Variants in PHACTR1 observed in about 807,000 individuals in gnomAD.
PHACTR1 encodes the protein phosphatase and actin regulator 1.
Under a neutral mutation model 69.2 loss-of-function variants are expected in PHACTR1, and 16 were observed. That is an observed-to-expected ratio of 0.23 (90% CI 0.16 to 0.35). The LOEUF is 0.35. Among genes scored for constraint, PHACTR1 ranks in the 10% least tolerant of loss-of-function variants. The probability of loss-of-function intolerance (pLI) is 1.00; values close to 1 mark genes in which losing one functional copy is unlikely to be tolerated. For missense variants in PHACTR1, 510 were observed against 734.7 expected, an observed-to-expected ratio of 0.69 and a Z score of 3.54; for synonymous variants, 312 against 284.5, an observed-to-expected ratio of 1.10 and a Z score of -0.97.
intron 5 of PHACTR1, among the ~76,000 whole-genome samples, chr6:13,114,600 A>C (rs557084947): frequency 2.0e-5 from 3 of 152,238 alleles, no homozygotes; most frequent in Non-Finnish European, 2.9e-5. Context: ...CTAGCTCAGC[A>C]GTTCTCAATC....
chr6:13,278,357 G>A lies in PHACTR1; in HGVS notation c.1509+28G>A, dbSNP rs763828516. ...AGGTGGTTCTCCATGCCAAGAGCTG[G>A]GACAGGAGAGGGTGGGCTGCCTGCC... is the stretch of plus-strand genomic sequence containing the variant. On this transcript the variant is annotated intron_variant, in intron 12 of 14. Transcript: ENST00000332995. 6 of 1,571,026 alleles carry A rather than the reference G, an allele frequency of 3.8e-6. No homozygotes were observed. The Admixed American group carries it at 7.5e-5, about 20-fold the overall frequency.
At chr6:12,857,312 G>GA (rs1269914530) in intron 4 of PHACTR1, among the ~76,000 whole-genome samples, 1 of 152,060 alleles carries the variant, frequency 6.6e-6, no homozygotes, top group East Asian at 1.9e-4. Flanking sequence ...ATGCTCATTA[G>GA]AAAAAAATCA....
intron 4 of PHACTR1, among the ~76,000 whole-genome samples, chr6:12,872,866 T>A (rs1449678291): frequency 6.6e-6 from 1 of 152,150 alleles, no homozygotes; most frequent in African/African-American, 2.4e-5. Context: ...TTTCTCTTTA[T>A]TTCTAAATAT....
intron 5 of PHACTR1, among the ~76,000 whole-genome samples, chr6:13,099,919 G>C (rs759163895): frequency 6.6e-6 from 1 of 152,156 alleles, no homozygotes; most frequent in Non-Finnish European, 1.5e-5. Flanking sequence ...AAATCAGGAA[G>C]GGTTGTTGAT....
intron 5 of PHACTR1, among the ~76,000 whole-genome samples, chr6:13,076,954 G>A (rs1368012779): frequency 8.8e-6 from 1 of 114,084 alleles, no homozygotes; most frequent in East Asian, 3.3e-4. Context: ...TGGGGTGGGG[G>A]GAGGGGGGAG....
intron 4 of PHACTR1, among the ~76,000 whole-genome samples, chr6:12,989,551 T>C (rs982240657): frequency 1.3e-5 from 2 of 152,220 alleles, no homozygotes; most frequent in African/African-American, 4.8e-5. Flanking sequence ...AACTCCCATA[T>C]TGGTGACTTT....
At chr6:12,871,045 G>A (rs1032848158) in intron 4 of PHACTR1, among the ~76,000 whole-genome samples, 1 of 152,102 alleles carries the variant, frequency 6.6e-6, no homozygotes, top group Non-Finnish European at 1.5e-5. Flanking sequence ...TAGCAAATGT[G>A]TGGCTGCAAC....
rs80030855 is a variant in PHACTR1 at position 13,249,069 on chromosome 6, G to A, written c.1391+18876G>A. On this transcript the variant is annotated intron_variant, in intron 10 of 14. Coordinates refer to ENST00000332995, the MANE Select transcript of PHACTR1 (RefSeq NM_030948.6). ...TTTAAAGGTTTGATTAACTGTTCGT[G>A]GCTTATCAGCATTATTCTTTGCAGC... Among the ~76,000 whole-genome samples the A allele has an allele frequency of 7.0e-3, 1,064 of 152,228 alleles. 17 individuals carry two copies. Among genetic ancestry groups the A allele is most frequent in the African/African-American group, 0.025 (1,020 of 41,510 alleles).
In PHACTR1 at chr6:12,878,105, C is replaced by T. The variant is rs140848262; in HGVS notation, c.250+128315C>T. ...ATGCTTTTTCCACCTCAGATTCCAG[C>T]GCACTTAGCAAAGTACCTGATTAGG... On this transcript the variant is annotated intron_variant, in intron 4 of 14. Transcript: ENST00000332995. Among the ~76,000 whole-genome samples the T allele has an allele frequency of 8.3e-4, 127 of 152,296 alleles. 1 individual carries two copies. The highest frequency in any genetic ancestry group is 2.3e-3 in the South Asian group (11 of 4,828).
At chr6:12,918,950 A>G (rs1210218691) in intron 4 of PHACTR1, among the ~76,000 whole-genome samples, 1 of 152,196 alleles carries the variant, frequency 6.6e-6, no homozygotes, top group Non-Finnish European at 1.5e-5. Flanking sequence ...CAGTTGTTTT[A>G]TAGGGCTCAC....
At chr6:13,201,320 A>T (rs1324363144) in intron 7 of PHACTR1, among the ~76,000 whole-genome samples, 1 of 152,196 alleles carries the variant, frequency 6.6e-6, no homozygotes, top group African/African-American at 2.4e-5. Context: ...TGCAATTTTT[A>T]TTATCAAGGA....
chr6:12,793,657 T>A (rs1222710852), intron 4 of PHACTR1, among the ~76,000 whole-genome samples: 1 of 152,178 alleles, frequency 6.6e-6, no homozygotes, highest in Non-Finnish European at 1.5e-5. Context: ...AGTGGTGGGA[T>A]GCACATCAGA....
intron 4 of PHACTR1, among the ~76,000 whole-genome samples, chr6:12,995,116 C>T (rs2127612826): frequency 6.6e-6 from 1 of 151,940 alleles, no homozygotes; most frequent in Admixed American, 6.6e-5. Flanking sequence ...GGTGGGATTA[C>T]AGACAAGGTA....
rs113683865 is a variant in PHACTR1, at chr6:13,034,102, C to T, written c.251-19263C>T. Among the ~76,000 whole-genome samples the T allele has an allele frequency of 6.8e-3, 1,033 of 152,096 alleles. 9 individuals carry two copies. The highest frequency in any genetic ancestry group is 0.024 in the African/African-American group (987 of 41,490). On this transcript the variant is annotated intron_variant, in intron 4 of 14. Transcript: ENST00000332995. The stretch of plus-strand genomic sequence containing the variant: ...CGCGATCTCGGCTCACTGCAGGCTC[C>T]GCCCCCTGGGGTTCACGCCATTCTC...
At chr6:13,178,055 G>A (rs1441174469) in intron 6 of PHACTR1, among the ~76,000 whole-genome samples, 1 of 152,154 alleles carries the variant, frequency 6.6e-6, no homozygotes, top group Non-Finnish European at 1.5e-5. Context: ...AATCTTGGTG[G>A]CCAGCTCTAT....
chr6:12,852,906 ACT>A (rs1196677935), intron 4 of PHACTR1, among the ~76,000 whole-genome samples: 1 of 152,054 alleles, frequency 6.6e-6, no homozygotes, highest in Non-Finnish European at 1.5e-5. Flanking sequence ...GAAGTCATTG[ACT>A]CTCGGATCTG....
In PHACTR1 at chr6:13,019,415, A is replaced by T. The variant is rs1387393468; in HGVS notation, c.251-33950A>T. Among the ~76,000 whole-genome samples, 3 of 152,254 alleles carry T rather than the reference A, an allele frequency of 2.0e-5. No homozygotes were observed. The South Asian group carries it at 6.2e-4, about 32-fold the overall frequency. ...CCAGACAAGACAAGGACCCAGCTCC[A>T]TGCTGCTCATAGCTCAACAAAGGAT... On this transcript the variant is annotated intron_variant, in intron 4 of 14. Coordinates refer to ENST00000332995, the MANE Select transcript of PHACTR1 (RefSeq NM_030948.6).
intron 4 of PHACTR1, among the ~76,000 whole-genome samples, chr6:12,838,899 G>A (rs1053123433): frequency 7.9e-5 from 12 of 152,110 alleles, no homozygotes; most frequent in Non-Finnish European, 1.5e-4. Flanking sequence ...TAGGGTCTTC[G>A]GAAAATGTTG....
chr6:13,283,281 T>G lies in PHACTR1; in HGVS notation c.1510-141T>G. 3 of 323,322 alleles carry G rather than the reference T, an allele frequency of 9.3e-6. No individual in the cohort carries two copies. The highest frequency in any genetic ancestry group is 1.8e-5 in the Non-Finnish European group (3 of 167,000). 20.0% of individuals were successfully genotyped at this position (323,322 alleles called of 1,614,324 possible). On this transcript the variant is annotated intron_variant, in intron 12 of 14. Transcript: ENST00000332995. This position sits in a 1 kb window ranked among gnomAD's most constrained non-coding sequence, Gnocchi z 4.7. ...GGTCCCCCCACCCTGGCCCTCCCCC[T>G]GCCCCTGCCCCTCACTCACTATGCG... is the stretch of plus-strand genomic sequence containing the variant.
Sources: allele counts gnomAD v4.1 joint callset (sites outside exome capture counted in the v4.1 genomes callset), GRCh38; gene constraint gnomAD v4.1.1; non-coding constraint Gnocchi (gnomAD v3.1); transcripts MANE v1.5; gene names NCBI Gene and HGNC (gene_info 2026-07-23, HGNC 2026-07-21).